Variants in TENM3 observed in about 807,000 individuals in gnomAD.
The protein encoded by TENM3 is teneurin-3.
In TENM3, 63 loss-of-function variants were observed where a neutral mutation model predicts 255.1. The observed-to-expected ratio is 0.25, with a 90% CI of 0.20 to 0.30. The LOEUF (loss-of-function observed/expected upper bound fraction) is 0.30. Among genes scored for constraint, TENM3 ranks in the 10% least tolerant of loss-of-function variants. The pLI, the probability that TENM3 is intolerant of heterozygous loss-of-function variation, is 1.00. For synonymous variants in TENM3, 1,306 were observed against 1,322.3 expected (o/e 0.99, Z 0.27); for missense variants, 2,929 against 3,461.1 (o/e 0.85, Z 3.86).
At chr4:182,271,306 A>C (rs762074694) in intron 1 of TENM3, among the ~76,000 whole-genome samples, 16 of 152,148 alleles carry the variant, frequency 1.1e-4, no homozygotes, top group Non-Finnish European at 1.9e-4. Flanking sequence ...CCTTTCCCTG[A>C]AATTTAGTCT....
chr4:182,378,686 T>C (rs2309657), intron 3 of TENM3, among the ~76,000 whole-genome samples: 130,051 of 152,162 alleles, frequency 0.85, 56,051 homozygotes, highest in Non-Finnish European at 0.92. Context: ...TGAAATAAGG[T>C]TGCAGAGGAA....
intron 3 of TENM3, among the ~76,000 whole-genome samples, chr4:182,369,037 T>G (rs1232588229): frequency 1.3e-5 from 2 of 152,230 alleles, no homozygotes; most frequent in African/African-American, 2.4e-5. Context: ...TCCCCCACAT[T>G]AAATGTCATT....
the TENM3 span, among the ~76,000 whole-genome samples, chr4:181,516,177 G>A: frequency 1.3e-5 from 2 of 152,032 alleles, no homozygotes; most frequent in African/African-American, 2.4e-5. Context: ...GACACAGGGA[G>A]GGGAACAACA....
At chr4:181,683,585 G>A in the TENM3 span, among the ~76,000 whole-genome samples, 7 of 152,172 alleles carry the variant, frequency 4.6e-5, no homozygotes, top group Non-Finnish European at 1.0e-4. Flanking sequence ...GCCACCCTTT[G>A]AGAACCTATG....
Position 182,369,881 on chromosome 4 carries a change from AAAAGAAAGAAGG to A in TENM3, c.511+22963_511+22974del, listed in dbSNP as rs543369332. The stretch of plus-strand genomic sequence containing the variant: ...TGACAGAGTGAAACTCTGTCTCAAA[AAAAGAAAGAAGG>A]AAAGAAAGAAAAGTTTCATAGGCAC... On this transcript the variant is annotated intron_variant, in intron 3 of 27. Coordinates refer to ENST00000511685, the MANE Select transcript of TENM3 (RefSeq NM_001080477.4). 7.4e-3 allele frequency among the ~76,000 whole-genome samples: 1,120 copies of A among 152,236 alleles called. 4 individuals are homozygous for A. Among genetic ancestry groups the A allele is most frequent in the Non-Finnish European group, 0.011 (746 of 68,014 alleles).
At chr4:182,622,847 T>C (rs1750425625) in intron 4 of TENM3, among the ~76,000 whole-genome samples, 1 of 152,144 alleles carries the variant, frequency 6.6e-6, no homozygotes, top group Admixed American at 6.5e-5. Context: ...AATACAGAGG[T>C]GAATAGGACT....
chr4:182,518,888 T>C (rs964529411), intron 3 of TENM3, among the ~76,000 whole-genome samples: 2 of 152,208 alleles, frequency 1.3e-5, no homozygotes, highest in Admixed American at 6.5e-5. Flanking sequence ...CCCAAACCTA[T>C]TAAGGAAAAC....
intron 1 of TENM3, among the ~76,000 whole-genome samples, chr4:182,167,651 T>A (rs1389781854): frequency 2.0e-5 from 3 of 152,156 alleles, no homozygotes; most frequent in African/African-American, 7.2e-5. Context: ...GGCTGGTGGA[T>A]TGCTAGAGCC....
At chr4:182,082,469 T>C in the TENM3 span, among the ~76,000 whole-genome samples, 1 of 152,210 alleles carries the variant, frequency 6.6e-6, no homozygotes, top group Non-Finnish European at 1.5e-5. Flanking sequence ...CACCCAGCTT[T>C]CGCAATTATC....
At chr4:182,119,255 C>T in the TENM3 span, among the ~76,000 whole-genome samples, 1 of 152,156 alleles carries the variant, frequency 6.6e-6, no homozygotes, top group Non-Finnish European at 1.5e-5. Flanking sequence ...CGATGTATTT[C>T]GAAATGGCTC....
the TENM3 span, among the ~76,000 whole-genome samples, chr4:182,083,076 G>A: frequency 6.6e-6 from 1 of 151,004 alleles, no homozygotes; most frequent in Admixed American, 6.6e-5. Context: ...GTAAATGAAA[G>A]CATAAGGAAA....
At chr4:182,054,071 C>T in the TENM3 span, among the ~76,000 whole-genome samples, 1 of 152,254 alleles carries the variant, frequency 6.6e-6, no homozygotes, top group East Asian at 1.9e-4. Flanking sequence ...AATCAATAGC[C>T]CAGCATTCCT....
At chr4:181,751,372 C>T in the TENM3 span, among the ~76,000 whole-genome samples, 2 of 145,558 alleles carry the variant, frequency 1.4e-5, no homozygotes, top group African/African-American at 2.6e-5. Context: ...AAGTTAGAAT[C>T]GTTTTTAAAA....
chr4:181,974,932 T>C, the TENM3 span, among the ~76,000 whole-genome samples: 14 of 152,100 alleles, frequency 9.2e-5, no homozygotes, highest in Admixed American at 3.9e-4. Context: ...CAAACCTCAC[T>C]CCCTTCCCAT....
At chr4:182,455,481 C>T (rs1038565743) in intron 3 of TENM3, among the ~76,000 whole-genome samples, 14 of 150,330 alleles carry the variant, frequency 9.3e-5, no homozygotes, top group African/African-American at 3.2e-4. Context: ...CCAGTATTTT[C>T]GCTGGTCGGT....
intron 1 of TENM3, among the ~76,000 whole-genome samples, chr4:182,156,764 T>C (rs979320113): frequency 6.6e-6 from 1 of 152,118 alleles, no homozygotes; most frequent in African/African-American, 2.4e-5. Flanking sequence ...TCATTTATAG[T>C]GTGTGCTTTA....
chr4:182,274,082 G>C (rs1199843777), intron 1 of TENM3, among the ~76,000 whole-genome samples: 2 of 152,208 alleles, frequency 1.3e-5, no homozygotes, highest in Non-Finnish European at 2.9e-5. Context: ...GCCAGAATGA[G>C]TGAGCAGGGC....
At chr4:181,532,711 G>A in the TENM3 span, among the ~76,000 whole-genome samples, 1 of 152,174 alleles carries the variant, frequency 6.6e-6, no homozygotes, top group Non-Finnish European at 1.5e-5. Context: ...AACCACCAAA[G>A]AGGAGAGGAC....
the TENM3 span, among the ~76,000 whole-genome samples, chr4:181,886,155 C>G: frequency 2.7e-5 from 4 of 149,486 alleles, no homozygotes; most frequent in African/African-American, 9.8e-5. Flanking sequence ...CGGGTTCAAG[C>G]AATTCTCCCG....
Sources: gnomAD v4.1 joint callset for allele counts (sites outside exome capture counted in the v4.1 genomes callset) on GRCh38, gnomAD v4.1.1 for gene constraint, MANE v1.5 for transcripts, NCBI Gene and HGNC (gene_info 2026-07-23, HGNC 2026-07-21) for gene names.